STYXL1: variants seen among roughly 807,000 people sequenced by gnomAD.
The protein encoded by STYXL1 is serine/threonine/tyrosine-interacting-like protein 1.
STYXL1 carries 32 observed loss-of-function variants against 36.4 expected under a neutral mutation model. The ratio of observed to expected loss-of-function variants is 0.88; its 90% confidence interval spans 0.66 to 1.18. The LOEUF (loss-of-function observed/expected upper bound fraction) is 1.18, where lower values mean the gene tolerates loss of function less well. Ranked by LOEUF, STYXL1 falls within the 50% of genes most tolerant of loss-of-function variation. STYXL1 has a pLI of 0.00. For missense variants in STYXL1, 354 were observed against 394.1 expected (o/e 0.90, Z 0.86); for synonymous variants, 133 against 144.1 (o/e 0.92, Z 0.55).
chr7:76,020,420 C>T (rs782257733), intron 4 of STYXL1, among the ~76,000 whole-genome samples: 5 of 152,140 alleles, frequency 3.3e-5, no homozygotes, highest in Non-Finnish European at 7.4e-5. Flanking sequence ...CAGCCCAAAA[C>T]CAGGGGCTAA....
intron 1 of STYXL1, among the ~76,000 whole-genome samples, chr7:76,035,247 G>C (rs1271165314): frequency 7.7e-6 from 1 of 130,584 alleles, no homozygotes; most frequent in Non-Finnish European, 1.8e-5. Flanking sequence ...TGCCCAACTG[G>C]ATTTCTTGCT....
chr7:76,028,022 G>C (rs1554578222), intron 3 of STYXL1, among the ~76,000 whole-genome samples: 2 of 151,962 alleles, frequency 1.3e-5, no homozygotes, highest in African/African-American at 2.4e-5. Context: ...GCGTAGGATT[G>C]CTCGAGCCCA....
At chr7:76,032,787 GA>G (rs1585315110) in intron 1 of STYXL1, among the ~76,000 whole-genome samples, 1 of 152,284 alleles carries the variant, frequency 6.6e-6, no homozygotes, top group African/African-American at 2.4e-5. Flanking sequence ...GGGGGAATGG[GA>G]AAAGGGTTGT....
chr7:76,007,439 T>C (rs778073805), intron 5 of STYXL1, among the ~76,000 whole-genome samples: 4 of 151,906 alleles, frequency 2.6e-5, no homozygotes, highest in African/African-American at 9.7e-5. Context: ...AAATAAAGTA[T>C]ACGAGACGAT....
At chr7:76,028,342 G>C (rs1272768893) in intron 3 of STYXL1, among the ~76,000 whole-genome samples, 1 of 152,038 alleles carries the variant, frequency 6.6e-6, no homozygotes, top group Non-Finnish European at 1.5e-5. Context: ...CCAAGCCCAG[G>C]AGTTTAAGGC....
intron 7 of STYXL1, 101 bp from the exon 8 acceptor site, chr7:76,001,103 G>T: frequency 1.1e-6 from 1 of 900,422 alleles, no homozygotes; most frequent in Non-Finnish European, 1.8e-6. Context: ...GTCCAAGCAT[G>T]AGTTCAAAAC....
Position 76,026,525 on chromosome 7 carries a change from T to G in STYXL1, c.165+2117A>C, listed in dbSNP as rs139633619. On this transcript the variant is annotated intron_variant, in intron 3 of 8. Coordinates refer to ENST00000359697, the MANE Select transcript of STYXL1 (RefSeq NM_001317785.2). ...TTGAACTCCTGGACTCAAGCAATCC[T>G]CCTGCTTCGGCCAACCAAAGTGCTA... is the stretch of plus-strand genomic sequence containing the variant. 1.7e-3 allele frequency among the ~76,000 whole-genome samples: 255 copies of G among 152,254 alleles called. 1 individual carries two copies. Among genetic ancestry groups the G allele is most frequent in the Non-Finnish European group, 3.0e-3 (207 of 68,016 alleles).
At chr7:76,003,310 A>C (rs1353207935) in intron 7 of STYXL1, among the ~76,000 whole-genome samples, 1 of 152,266 alleles carries the variant, frequency 6.6e-6, no homozygotes, top group African/African-American at 2.4e-5. Context: ...AAATCTTGGA[A>C]GTCAGAACTG....
intron 2 of STYXL1, 38 bp downstream of exon 2, chr7:76,030,383 C>T (rs1287440288): frequency 2.0e-6 from 3 of 1,468,382 alleles, no homozygotes; most frequent in East Asian, 2.3e-5. Flanking sequence ...TTGAAGGACA[C>T]TGTGTTTGAC....
intron 4 of STYXL1, among the ~76,000 whole-genome samples, chr7:76,020,676 A>G (rs545954677): frequency 1.3e-5 from 2 of 152,264 alleles, no homozygotes; most frequent in East Asian, 1.9e-4. Context: ...GTCTTTACAA[A>G]AAGTAAATAA....
At chr7:76,042,250 C>T (rs1554582312) in intron 1 of STYXL1, among the ~76,000 whole-genome samples, 1 of 152,072 alleles carries the variant, frequency 6.6e-6, no homozygotes, top group Admixed American at 6.6e-5. Flanking sequence ...CCAGCATTTT[C>T]CCAGTGATCA....
chr7:76,005,549 A>AT lies in STYXL1; in HGVS notation c.454-146dup, dbSNP rs1791562740. On this transcript the variant is annotated intron_variant, in intron 5 of 8. Coordinates refer to ENST00000359697, the MANE Select transcript of STYXL1 (RefSeq NM_001317785.2). ...GACGGAGATCCAGACTTTGAAAGAG[A>AT]TTGGCACACGGTAACTTGCATGGGG... The AT allele has an allele frequency of 6.8e-6, 5 of 739,776 alleles. No individual in the cohort carries two copies. In the Admixed American group the frequency reaches 1.2e-4, roughly 18 times the overall value. 45.8% of individuals were successfully genotyped at this position (739,776 alleles called of 1,614,324 possible). A position where few individuals can be genotyped will look rare whatever the true frequency, so the allele number is the denominator to read the frequency against.
intron 3 of STYXL1, among the ~76,000 whole-genome samples, chr7:76,027,510 G>C (rs2116239906): frequency 6.6e-6 from 1 of 151,804 alleles, no homozygotes; most frequent in Non-Finnish European, 1.5e-5. Context: ...TGCAGTCCCA[G>C]CTACTCAGGA....
intron 5 of STYXL1, among the ~76,000 whole-genome samples, chr7:76,007,890 G>A (rs1413218039): frequency 7.5e-6 from 1 of 133,364 alleles, no homozygotes; most frequent in East Asian, 2.2e-4. Flanking sequence ...ACTCCAGCCT[G>A]TCTCTCAAAA....
intron 1 of STYXL1, among the ~76,000 whole-genome samples, chr7:76,038,392 G>A (rs1461738111): frequency 6.9e-6 from 1 of 145,984 alleles, no homozygotes; most frequent in Non-Finnish European, 1.5e-5. Context: ...AGGCTGTCAG[G>A]ACCTGCTTTA....
intron 4 of STYXL1, among the ~76,000 whole-genome samples, chr7:76,019,128 A>C (rs1793740448): frequency 6.6e-6 from 1 of 152,204 alleles, no homozygotes; most frequent in Non-Finnish European, 1.5e-5. Flanking sequence ...TATATGTGAC[A>C]GGAAGTTTGC....
chr7:76,019,927 CA>C (rs58018497), intron 4 of STYXL1, among the ~76,000 whole-genome samples: 28,803 of 82,304 alleles, frequency 0.35, 3,816 homozygotes, highest in African/African-American at 0.51. Context: ...GACCCTGACT[CA>C]AAAAAAAAAA....
At chr7:76,006,665 G>A (rs1791803061) in intron 5 of STYXL1, among the ~76,000 whole-genome samples, 1 of 151,806 alleles carries the variant, frequency 6.6e-6, no homozygotes, top group African/African-American at 2.4e-5. Context: ...TTGGGAGGCT[G>A]AGGCAGGAGA....
intron 1 of STYXL1, among the ~76,000 whole-genome samples, chr7:76,039,806 A>G (rs1796305327): frequency 6.6e-6 from 1 of 152,012 alleles, no homozygotes; most frequent in African/African-American, 2.4e-5. Context: ...CACCACCATG[A>G]CAGGCTAATT....
Sources: allele counts gnomAD v4.1 joint callset (sites outside exome capture counted in the v4.1 genomes callset), GRCh38; gene constraint gnomAD v4.1.1; transcripts MANE v1.5; gene names NCBI Gene and HGNC (gene_info 2026-07-23, HGNC 2026-07-21).